PXDNL: variants seen among roughly 807,000 people sequenced by gnomAD.
PXDNL encodes the protein peroxidasin like.
Under a neutral mutation model 150.8 loss-of-function variants are expected in PXDNL, and 145 were observed. The observed-to-expected ratio is 0.96, with a 90% CI of 0.84 to 1.10. The LOEUF is 1.10. Among genes scored for constraint, PXDNL ranks in the 50% least tolerant of loss-of-function variants. The pLI is 0.00. For missense variants in PXDNL, 2,087 were observed against 1,873.9 expected (o/e 1.11, Z -2.10); for synonymous variants, 757 against 725.7 (o/e 1.04, Z -0.69).
intron 3 of PXDNL, among the ~76,000 whole-genome samples, chr8:51,581,420 C>T (rs1813210312): frequency 6.6e-6 from 1 of 151,844 alleles, no homozygotes; most frequent in South Asian, 2.1e-4. Flanking sequence ...ACCTGGGAGG[C>T]GGAGGTTGCA....
intron 4 of PXDNL, among the ~76,000 whole-genome samples, chr8:51,533,586 C>A (rs1397268335): frequency 6.7e-6 from 1 of 149,042 alleles, no homozygotes; most frequent in Non-Finnish European, 1.5e-5. Context: ...CTCACTGCAA[C>A]CTCCCTGCCT....
At chr8:51,743,945 A>AAGGAAGGAAGGAAGGAAGGAAGGAAGG (rs2036935574) in intron 1 of PXDNL, among the ~76,000 whole-genome samples, 1 of 22,358 alleles carries the variant, frequency 4.5e-5, no homozygotes, top group African/African-American at 7.6e-5. Context: ...GGAAGGAGAG[A>AAGGAAGGAAGGAAGGAAGGAAGGAAGG]AAGAGAGAAA....
intron 6 of PXDNL, among the ~76,000 whole-genome samples, chr8:51,477,429 A>T (rs1241376273): frequency 2.0e-5 from 3 of 152,238 alleles, no homozygotes; most frequent in Non-Finnish European, 4.4e-5. Flanking sequence ...GGTGTAAGTC[A>T]TAAAAGTCAA....
intron 15 of PXDNL, among the ~76,000 whole-genome samples, chr8:51,411,909 C>G (rs1328244469): frequency 1.3e-5 from 2 of 152,136 alleles, no homozygotes; most frequent in Non-Finnish European, 2.9e-5. Flanking sequence ...TCCATCTTCT[C>G]TAGTACTCCT....
chr8:51,510,263 T>A (rs1477670198), intron 4 of PXDNL, among the ~76,000 whole-genome samples: 1 of 152,196 alleles, frequency 6.6e-6, no homozygotes, highest in African/African-American at 2.4e-5. Context: ...TTCACCTTTA[T>A]TGACCCATCG....
intron 1 of PXDNL, among the ~76,000 whole-genome samples, chr8:51,731,334 A>G (rs1816925926): frequency 6.6e-6 from 1 of 152,212 alleles, no homozygotes; most frequent in East Asian, 1.9e-4. Flanking sequence ...TAAAGCTGCA[A>G]AATGATCTCC....
rs1283870440 is a variant in PXDNL, at chr8:51,423,742, A to C, written c.1639-11T>G. On this transcript the variant is annotated splice_polypyrimidine_tract_variant and intron_variant, in intron 13 of 22. Coordinates refer to ENST00000356297, the MANE Select transcript of PXDNL (RefSeq NM_144651.5). ...AATCTGCACACCTTCCTAGGGAGCA[A>C]AAAAGAGTTGCCACTGAATGAGTGT... The C allele has an allele frequency of 2.5e-6, 4 of 1,603,030 alleles. No homozygotes were observed. In the African/African-American group the frequency reaches 4.0e-5, roughly 16 times the overall value.
chr8:51,484,252 C>T (rs964562304), intron 5 of PXDNL, among the ~76,000 whole-genome samples: 6 of 152,012 alleles, frequency 3.9e-5, no homozygotes, highest in African/African-American at 1.5e-4. Context: ...GCCTGGCCAA[C>T]ATGGTGAAAC....
chr8:51,450,095 C>T (rs1809769143), intron 10 of PXDNL, among the ~76,000 whole-genome samples: 1 of 152,134 alleles, frequency 6.6e-6, no homozygotes, highest in South Asian at 2.1e-4. Context: ...GAGTTCCTCC[C>T]CATTTTAGAC....
At chr8:51,553,383 C>T (rs775155899) in intron 4 of PXDNL, among the ~76,000 whole-genome samples, 2 of 152,194 alleles carry the variant, frequency 1.3e-5, no homozygotes, top group Admixed American at 6.5e-5. Flanking sequence ...CTGCCTGGGG[C>T]CTCAGGCTGT....
At chr8:51,448,924 A>G (rs1160439465) in intron 11 of PXDNL, 78 bp downstream of exon 11, 1 of 772,248 alleles carries the variant, frequency 1.3e-6, no homozygotes. Context: ...TCGATAATTA[A>G]TTTAAACTAT....
chr8:51,520,141 G>A (rs1005890776), intron 4 of PXDNL, among the ~76,000 whole-genome samples: 1 of 152,118 alleles, frequency 6.6e-6, no homozygotes, highest in South Asian at 2.1e-4. Context: ...CTCCCACGCG[G>A]CAGGGAAAGG....
intron 2 of PXDNL, among the ~76,000 whole-genome samples, chr8:51,620,162 G>A (rs2130733075): frequency 6.6e-6 from 1 of 152,268 alleles, no homozygotes; most frequent in Non-Finnish European, 1.5e-5. Context: ...TGAACAAAAT[G>A]AAGGTGTTGT....
intron 12 of PXDNL, among the ~76,000 whole-genome samples, chr8:51,427,432 TACAA>T (rs1478277463): frequency 1.3e-5 from 2 of 151,500 alleles, no homozygotes; most frequent in Non-Finnish European, 2.9e-5. Flanking sequence ...AGAAGATAAC[TACAA>T]ACAAAGAAAA....
Position 51,446,958 on chromosome 8 carries a change from A to G in PXDNL, c.1525+46T>C, listed in dbSNP as rs777659885. The G allele has an allele frequency of 3.8e-6, 6 of 1,587,162 alleles. No individual in the cohort carries two copies. In the South Asian group the frequency reaches 6.7e-5, roughly 18 times the overall value. On this transcript the variant is annotated intron_variant, in intron 12 of 22. Transcript: ENST00000356297. ...TGTCAGGTGTGTTAAAGACACAGGC[A>G]GAAGGCACACTTCAGAATGTGAATA...
chr8:51,750,996 A>C (rs2037040605), intron 1 of PXDNL, among the ~76,000 whole-genome samples: 1 of 152,244 alleles, frequency 6.6e-6, no homozygotes, highest in African/African-American at 2.4e-5. Context: ...GGCAGGTAAA[A>C]AAATACAAAG....
Position 51,737,685 on chromosome 8 carries a change from A to C in PXDNL, c.164+71496T>G, listed in dbSNP as rs150855429. On this transcript the variant is annotated intron_variant, in intron 1 of 22. Transcript: ENST00000356297. ...AGTTCTCCATCCTGCCTGCTCCTCC[A>C]GTTCACCCTGCTGATGTCTGAAAGA... Among the ~76,000 whole-genome samples, 1,170 of 152,236 alleles carry C rather than the reference A, an allele frequency of 7.7e-3. 16 individuals are homozygous for C. The highest frequency in any genetic ancestry group is 0.027 in the African/African-American group (1,118 of 41,522).
chr8:51,401,533 G>A (rs1808248208), intron 17 of PXDNL, among the ~76,000 whole-genome samples: 1 of 152,224 alleles, frequency 6.6e-6, no homozygotes, highest in South Asian at 2.1e-4. Context: ...TGGGATAGGA[G>A]AAAAGGACTG....
intron 1 of PXDNL, among the ~76,000 whole-genome samples, chr8:51,779,860 G>A (rs1338077844): frequency 3.3e-5 from 5 of 152,150 alleles, no homozygotes; most frequent in Admixed American, 3.3e-4. Flanking sequence ...TCTCAAGCCT[G>A]GCTTTTCAAA....
Sources: allele counts gnomAD v4.1 joint callset (sites outside exome capture counted in the v4.1 genomes callset), GRCh38; gene constraint gnomAD v4.1.1; transcripts MANE v1.5; gene names NCBI Gene and HGNC (gene_info 2026-07-23, HGNC 2026-07-21).